The following IL1RAPL2 variants were observed in gnomAD, a reference collection of about 807,000 sequenced individuals.
IL1RAPL2 encodes the protein X-linked interleukin-1 receptor accessory protein-like 2.
Under a neutral mutation model 44.1 loss-of-function variants are expected in IL1RAPL2, and 3 were observed. That is an observed-to-expected ratio of 0.07 (90% confidence interval 0.03 to 0.18). The LOEUF (loss-of-function observed/expected upper bound fraction) is 0.18. Ranked by LOEUF, IL1RAPL2 falls within the 10% of genes least tolerant of loss-of-function variation. The pLI is 1.00. For synonymous variants in IL1RAPL2, 181 were observed against 178.8 expected, an observed-to-expected ratio of 1.01 and a Z score of -0.10; for missense variants, 391 against 496.4, an observed-to-expected ratio of 0.79 and a Z score of 2.02.
At chrX:105,187,549 C>A (rs2033599996) in intron 2 of IL1RAPL2, among the ~76,000 whole-genome samples, 1 of 111,864 alleles carries the variant, frequency 8.9e-6, no homozygotes, top group Non-Finnish European at 1.9e-5. Flanking sequence ...ACTATTCAGC[C>A]TTTAAAAAGT....
chrX:104,618,537 G>T (rs1929323027), intron 1 of IL1RAPL2, among the ~76,000 whole-genome samples: 2 of 111,672 alleles, frequency 1.8e-5, no homozygotes, highest in Non-Finnish European at 3.8e-5. Flanking sequence ...CAGAGGAATG[G>T]GTGCTCCAGA....
chrX:105,354,011 A>C (rs1316609878), intron 5 of IL1RAPL2, among the ~76,000 whole-genome samples: 1 of 110,901 alleles, frequency 9.0e-6, no homozygotes, highest in Non-Finnish European at 1.9e-5. Flanking sequence ...GTCTTGTGCC[A>C]GTTTTCAAAG....
chrX:104,658,467 G>C (rs1456747544), intron 1 of IL1RAPL2, among the ~76,000 whole-genome samples: 2 of 111,867 alleles, frequency 1.8e-5, no homozygotes, highest in African/African-American at 6.5e-5. Flanking sequence ...GCTTCTGGTG[G>C]GGTGGGAGGC....
chrX:105,391,036 T>TG (rs2035517906), intron 5 of IL1RAPL2, among the ~76,000 whole-genome samples: 1 of 111,807 alleles, frequency 8.9e-6, no homozygotes, highest in African/African-American at 3.2e-5. Context: ...CTTGGAATTG[T>TG]GGGGAGAGAC....
intron 6 of IL1RAPL2, among the ~76,000 whole-genome samples, chrX:105,608,993 C>T (rs2037315746): frequency 9.0e-6 from 1 of 111,439 alleles, no homozygotes; most frequent in African/African-American, 3.3e-5. Flanking sequence ...TCTCTAGGAT[C>T]TGTTCTTAAA....
chrX:104,956,721 A>T (rs1013743586), intron 2 of IL1RAPL2, among the ~76,000 whole-genome samples: 1 of 111,406 alleles, frequency 9.0e-6, no homozygotes, highest in Admixed American at 9.6e-5. Flanking sequence ...TAGGCATTCT[A>T]TGGAGGCACC....
intron 2 of IL1RAPL2, among the ~76,000 whole-genome samples, chrX:104,880,525 C>T (rs1569332362): frequency 9.0e-6 from 1 of 111,593 alleles, no homozygotes; most frequent in Non-Finnish European, 1.9e-5. Flanking sequence ...TTTCTTACAT[C>T]CATTATTTTC....
In IL1RAPL2 at chrX:105,331,230, GC is replaced by G. The variant is rs554974035; in HGVS notation, c.697+63691del. On this transcript the variant is annotated intron_variant, in intron 5 of 10. Coordinates refer to ENST00000372582, the MANE Select transcript of IL1RAPL2 (RefSeq NM_017416.2). ...CATGGTCTGTCACACTGTTTGTGCT[GC>G]CTAGAATACTCTTTATTTTTGTGCC... is the stretch of plus-strand genomic sequence containing the variant. 4.5e-3 allele frequency among the ~76,000 whole-genome samples: 494 copies of G among 110,916 alleles called. 3 individuals carry two copies. The highest frequency in any genetic ancestry group is 7.7e-3 in the Non-Finnish European group (406 of 52,827).
intron 2 of IL1RAPL2, among the ~76,000 whole-genome samples, chrX:104,906,130 C>G (rs1362549511): frequency 9.1e-6 from 1 of 109,947 alleles, no homozygotes; most frequent in Non-Finnish European, 1.9e-5. Context: ...TATAAGAATG[C>G]TTGTGATTTT....
chrX:104,647,456 G>T, intron 1 of IL1RAPL2: 1 of 604,332 alleles, frequency 1.7e-6, no homozygotes, highest in Non-Finnish European at 2.8e-6. Flanking sequence ...GGCTTCCACT[G>T]CTTCTGTGAA....
intron 5 of IL1RAPL2, among the ~76,000 whole-genome samples, chrX:105,286,607 CTTT>C (rs34962051): frequency 7.7e-5 from 8 of 103,808 alleles, no homozygotes; most frequent in African/African-American, 2.7e-4. Context: ...ACAAAACAGC[CTTT>C]TTTTTTTTTA....
At chrX:104,626,677 T>TA (rs367629399) in intron 1 of IL1RAPL2, among the ~76,000 whole-genome samples, 1,183 of 105,137 alleles carry the variant, frequency 0.011, 15 homozygotes, top group Middle Eastern at 0.019. Flanking sequence ...CTATAACTCA[T>TA]AAAAAAAAAA....
intron 4 of IL1RAPL2, among the ~76,000 whole-genome samples, chrX:105,240,142 G>C (rs188195546): frequency 8.9e-6 from 1 of 112,442 alleles, no homozygotes. Flanking sequence ...TTTTTCATGA[G>C]TCATGGAATG....
At chrX:105,475,423 A>G (rs766345052) in intron 5 of IL1RAPL2, among the ~76,000 whole-genome samples, 8 of 111,305 alleles carry the variant, frequency 7.2e-5, no homozygotes, top group African/African-American at 2.6e-4. Flanking sequence ...TCACAGAGCC[A>G]AATGATGATC....
chrX:104,582,805 CTT>C (rs200987882), intron 1 of IL1RAPL2, among the ~76,000 whole-genome samples: 1,938 of 68,189 alleles, frequency 0.028, 105 homozygotes, highest in African/African-American at 0.11. Flanking sequence ...CCCTCTCTCT[CTT>C]TCTCTCCTTT....
chrX:104,753,231 A>G (rs1460456377), intron 2 of IL1RAPL2, among the ~76,000 whole-genome samples: 1 of 109,184 alleles, frequency 9.2e-6, no homozygotes, highest in Admixed American at 9.9e-5. Flanking sequence ...CTTAAATCCT[A>G]TCCTCTGAGA....
chrX:105,157,281 A>G lies in IL1RAPL2; in HGVS notation c.83-38194A>G, dbSNP rs188377332. 3.3e-4 allele frequency among the ~76,000 whole-genome samples: 36 copies of G among 110,493 alleles called. 1 individual carries two copies. Among genetic ancestry groups the G allele is most frequent in the East Asian group, 3.1e-3 (11 of 3,511 alleles). On this transcript the variant is annotated intron_variant, in intron 2 of 10. Coordinates refer to ENST00000372582, the MANE Select transcript of IL1RAPL2 (RefSeq NM_017416.2). ...ATTTTGTCTCAGGATCTGGCTAACTACAAAGCTCTCTCTCTCTCTCTCCTT... is the reference window on the plus strand; with the variant it reads ...ATTTTGTCTCAGGATCTGGCTAACTGCAAAGCTCTCTCTCTCTCTCTCCTT...
chrX:105,192,777 G>A (rs782442567), intron 2 of IL1RAPL2, among the ~76,000 whole-genome samples: 80 of 111,753 alleles, frequency 7.2e-4, no homozygotes, highest in African/African-American at 2.6e-3. Flanking sequence ...TAAGGGAAAA[G>A]AATAAATGGG....
At chrX:105,043,840 C>T (rs905731071) in intron 2 of IL1RAPL2, among the ~76,000 whole-genome samples, 30 of 111,467 alleles carry the variant, frequency 2.7e-4, no homozygotes, top group African/African-American at 8.8e-4. Flanking sequence ...GAAAAGTTCC[C>T]CAGTTTACTA....
Sources: allele counts gnomAD v4.1 joint callset (sites outside exome capture counted in the v4.1 genomes callset), GRCh38; gene constraint gnomAD v4.1.1; transcripts MANE v1.5; gene names NCBI Gene and HGNC (gene_info 2026-07-23, HGNC 2026-07-21).